PDE3B: variants seen among roughly 807,000 people sequenced by gnomAD.
The protein encoded by PDE3B is phosphodiesterase 3B, also known as cGMP-inhibited 3',5'-cyclic phosphodiesterase 3B.
PDE3B carries 66 observed loss-of-function variants against 116.8 expected under a neutral mutation model. The observed-to-expected ratio is 0.56, with a 90% confidence interval of 0.46 to 0.69. The LOEUF (loss-of-function observed/expected upper bound fraction) is 0.69. Ranked by LOEUF, PDE3B falls within the 30% of genes least tolerant of loss-of-function variation. The pLI is 0.00. For synonymous variants in PDE3B, 595 were observed against 533.6 expected (o/e 1.12, Z -1.59); for missense variants, 1,384 against 1,368.1 (o/e 1.01, Z -0.18).
At chr11:14,710,167 T>C (rs1482200535) in intron 1 of PDE3B, among the ~76,000 whole-genome samples, 1 of 152,232 alleles carries the variant, frequency 6.6e-6, no homozygotes, top group Non-Finnish European at 1.5e-5. Context: ...TGAACTTTAG[T>C]TTCCTCATCT....
Position 14,644,436 on chromosome 11 carries a change from C to T in PDE3B, c.361C>T (p.Pro121Ser), listed in dbSNP as rs543177469. ...LLSVCSHSLS[P>S]LFSIACAFFF... ...GAGCGTGTGTTCGCACAGCTTGAGC[C>T]CCCTCTTCAGCATCGCCTGTGCCTT... Residue 121 changes from proline (P) to serine (S), a missense_variant, in exon 1 of 16, where the codon CCC becomes TCC. Physicochemically the swap from Pro to Ser is moderately conservative, Grantham distance 74 (BLOSUM62 -1). This residue lies in a region of PDE3B where 956 missense variants were observed against 806.8 expected (regional missense o/e 1.18). Coordinates refer to ENST00000282096, the MANE Select transcript of PDE3B (RefSeq NM_000922.4). 7 of 1,612,938 alleles carry T rather than the reference C, an allele frequency of 4.3e-6. No individual in the cohort carries two copies. Among genetic ancestry groups the T allele is most frequent in the Middle Eastern group, 1.7e-4 (1 of 6,060 alleles).
chr11:14,763,460 G>C lies in PDE3B; in HGVS notation c.979-8477G>C, dbSNP rs1369233095. 2.0e-5 allele frequency among the ~76,000 whole-genome samples: 3 copies of C among 152,182 alleles called. No individual in the cohort carries two copies. The East Asian group carries it at 5.8e-4, about 29-fold the overall frequency. On this transcript the variant is annotated intron_variant, in intron 1 of 15. Coordinates refer to ENST00000282096, the MANE Select transcript of PDE3B (RefSeq NM_000922.4). The stretch of plus-strand genomic sequence containing the variant: ...TTTGAAGAATTTTACAGAGAAATGA[G>C]ATAGTGGCCGGGTGAAAGTATGATC...
chr11:14,660,981 C>CGA (rs1333696366), intron 1 of PDE3B, among the ~76,000 whole-genome samples: 2 of 152,322 alleles, frequency 1.3e-5, no homozygotes, highest in African/African-American at 4.8e-5. Context: ...TACCATCTCA[C>CGA]ACCAGTTAGA....
At chr11:14,728,979 A>G (rs1856388318) in intron 1 of PDE3B, among the ~76,000 whole-genome samples, 1 of 152,126 alleles carries the variant, frequency 6.6e-6, no homozygotes, top group African/African-American at 2.4e-5. Context: ...CTTCCAGACC[A>G]TGCTCATTGA....
chr11:14,645,176 CGGG>C (rs34477227), intron 1 of PDE3B, 123 bp downstream of exon 1: 533 of 47,656 alleles, frequency 0.011, 3 homozygotes, highest in Non-Finnish European at 0.014. Context: ...GGGTGTGTTG[CGGG>C]GGGGGGGGGG....
At position 14,861,443 on chromosome 11, in the gene PDE3B, T is replaced by A. The variant is rs566980620; in HGVS notation, c.2886+77T>A. The A allele has an allele frequency of 2.0e-4, 262 of 1,317,512 alleles. No individual in the cohort carries two copies. In the African/African-American group the frequency reaches 3.6e-3, roughly 18 times the overall value. The allele number at this position is 1,317,512 out of a possible 1,614,324, so 81.6% of individuals were successfully genotyped here. A position where few individuals can be genotyped will look rare whatever the true frequency, so the allele number is the denominator to read the frequency against. On this transcript the variant is annotated intron_variant, in intron 14 of 15. Transcript: ENST00000282096. ...CACTACTCTTTGGGTTTTGGATAGCTTTATTAAGTGTTTGAAATCTGAGTT... is the reference window on the plus strand; with the variant it reads ...CACTACTCTTTGGGTTTTGGATAGCATTATTAAGTGTTTGAAATCTGAGTT...
At chr11:14,661,322 G>A (rs554330537) in intron 1 of PDE3B, among the ~76,000 whole-genome samples, 1 of 152,308 alleles carries the variant, frequency 6.6e-6, no homozygotes, top group Admixed American at 6.5e-5. Flanking sequence ...TTAAGAGGAG[G>A]ATAGTCGAGA....
At chr11:14,809,331 C>T (rs1313643827) in intron 5 of PDE3B, among the ~76,000 whole-genome samples, 1 of 152,084 alleles carries the variant, frequency 6.6e-6, no homozygotes, top group African/African-American at 2.4e-5. Context: ...TTAGAAACAA[C>T]CTAAATGGCT....
chr11:14,786,247 G>T (rs1472730005), intron 2 of PDE3B, among the ~76,000 whole-genome samples, 190 bp from the exon 3 acceptor site: 2 of 151,828 alleles, frequency 1.3e-5, no homozygotes, highest in Admixed American at 1.3e-4. Flanking sequence ...TAGTCATAAG[G>T]TAATTCAGTG....
chr11:14,673,787 C>G, intron 1 of PDE3B: 2 of 814,244 alleles, frequency 2.5e-6, no homozygotes, highest in East Asian at 2.4e-5. Context: ...CTCCATACAC[C>G]TGGGACATGG....
chr11:14,746,135 T>A (rs1467831765), intron 1 of PDE3B, among the ~76,000 whole-genome samples: 2 of 152,244 alleles, frequency 1.3e-5, no homozygotes, highest in Non-Finnish European at 2.9e-5. Context: ...CACTCATGCC[T>A]GTAATCCCCT....
At chr11:14,883,371 A>G in the PDE3B span, among the ~76,000 whole-genome samples, 1 of 152,214 alleles carries the variant, frequency 6.6e-6, no homozygotes, top group South Asian at 2.1e-4. Flanking sequence ...GCCCTCAGAA[A>G]TAATGCCGCA....
At chr11:14,785,316 G>A (rs1858155868) in intron 2 of PDE3B, among the ~76,000 whole-genome samples, 1 of 151,934 alleles carries the variant, frequency 6.6e-6, no homozygotes, top group African/African-American at 2.4e-5. Context: ...AGAAATAGTT[G>A]GGCTATGCCC....
At chr11:14,896,772 C>A in the PDE3B span, among the ~76,000 whole-genome samples, 1 of 152,140 alleles carries the variant, frequency 6.6e-6, no homozygotes, top group Non-Finnish European at 1.5e-5. Flanking sequence ...ATTTAAAATT[C>A]GTGAATATCA....
At chr11:14,668,225 C>T (rs1854245488) in intron 1 of PDE3B, among the ~76,000 whole-genome samples, 1 of 152,038 alleles carries the variant, frequency 6.6e-6, no homozygotes, top group Admixed American at 6.6e-5. Flanking sequence ...CCTACTTAAG[C>T]TCAATATTTA....
In PDE3B at chr11:14,644,491, C is replaced by T; in HGVS notation, c.416C>T (p.Thr139Ile). ...FFFLTCFLTR[T>I]KRGPGPGRSC... ...TTCCTCACCTGCTTCCTCACCCGGA[C>T]CAAGCGGGGACCCGGCCCGGGCCGG... The change falls in exon 1 of 16, where the codon ACC (threonine) becomes ATC (isoleucine). Residue 139 changes from threonine to isoleucine, a missense_variant. Physicochemically the swap from Thr to Ile is moderately conservative, Grantham distance 89 (BLOSUM62 -1). Coordinates refer to ENST00000282096, the MANE Select transcript of PDE3B (RefSeq NM_000922.4). The T allele has an allele frequency of 4.3e-6, 7 of 1,612,724 alleles. No homozygotes were observed. The highest frequency in any genetic ancestry group is 2.2e-5 in the East Asian group (1 of 44,780).
chr11:14,650,863 C>G (rs1853554996), intron 1 of PDE3B, among the ~76,000 whole-genome samples: 2 of 151,734 alleles, frequency 1.3e-5, no homozygotes. Context: ...CCTAGAGCTC[C>G]CAGAAAGTAT....
chr11:14,676,731 G>C (rs745864211), intron 1 of PDE3B, among the ~76,000 whole-genome samples: 3 of 152,130 alleles, frequency 2.0e-5, no homozygotes, highest in Non-Finnish European at 2.9e-5. Context: ...TTATGGATGT[G>C]AGTCCTTTGC....
intron 14 of PDE3B, among the ~76,000 whole-genome samples, chr11:14,866,644 T>C (rs1328863538): frequency 6.6e-6 from 1 of 152,196 alleles, no homozygotes; most frequent in East Asian, 1.9e-4. Context: ...TCCTCAGAGT[T>C]ATGTTGGCTC....
Sources: gnomAD v4.1 joint callset for allele counts (sites outside exome capture counted in the v4.1 genomes callset) on GRCh38, gnomAD v4.1.1 for gene constraint, gnomAD v4.1.1 regional missense constraint, MANE v1.5 for transcripts, NCBI Gene and HGNC (gene_info 2026-07-23, HGNC 2026-07-21) for gene names.